The following KCNS3 variants were observed in gnomAD, a reference collection of about 807,000 sequenced individuals.
KCNS3 encodes potassium voltage-gated channel modifier subfamily S member 3, also known as delayed-rectifier potassium channel regulatory subunit KCNS3.
KCNS3 carries 13 observed loss-of-function variants against 31.0 expected under a neutral mutation model. That is an observed-to-expected ratio of 0.42 (90% CI 0.27 to 0.67). The LOEUF (loss-of-function observed/expected upper bound fraction) is 0.67. Ranked by LOEUF, KCNS3 falls within the 30% of genes least tolerant of loss-of-function variation. KCNS3 has a pLI of 0.25. For missense variants in KCNS3, 545 were observed against 622.4 expected, an observed-to-expected ratio of 0.88 and a Z score of 1.32; for synonymous variants, 238 against 241.5, an observed-to-expected ratio of 0.99 and a Z score of 0.13.
chr2:17,884,932 G>GT (rs55738585), intron 1 of KCNS3, among the ~76,000 whole-genome samples: 2,437 of 127,958 alleles, frequency 0.019, 86 homozygotes, highest in African/African-American at 0.063. Flanking sequence ...CTTCCCTGTT[G>GT]TTTTTTTTTT....
Position 17,885,246 on chromosome 2 carries a change from G to T in KCNS3, c.-252+6440G>T, listed in dbSNP as rs183042638. ...GGATAAGGACTGATGGAGAGTCCTG[G>T]GCATGGTTATGAGCCACTTTTTGTG... On this transcript the variant is annotated intron_variant, in intron 1 of 2. Transcript: ENST00000304101. Among the ~76,000 whole-genome samples, 25 of 152,186 alleles carry T rather than the reference G, an allele frequency of 1.6e-4. 1 individual carries two copies. The highest frequency in any genetic ancestry group is 6.0e-4 in the African/African-American group (25 of 41,518).
At chr2:17,918,658 A>C (rs1174457515) in intron 2 of KCNS3, among the ~76,000 whole-genome samples, 1 of 152,248 alleles carries the variant, frequency 6.6e-6, no homozygotes, top group African/African-American at 2.4e-5. Context: ...GATTGTGGGC[A>C]GCACTTAGCA....
rs1046561384 is a variant in KCNS3 at position 17,879,632 on chromosome 2, G to A, written c.-252+826G>A. 3.3e-5 allele frequency among the ~76,000 whole-genome samples: 5 copies of A among 152,270 alleles called. No homozygotes were observed. The East Asian group carries it at 9.7e-4, about 29-fold the overall frequency. ...CAGTCTTGCCGGCAGGGGCCGCGGCGAGCCTGGCTGGGCGCCTTTCGCATT... is the reference window on the plus strand; with the variant it reads ...CAGTCTTGCCGGCAGGGGCCGCGGCAAGCCTGGCTGGGCGCCTTTCGCATT... On this transcript the variant is annotated intron_variant, in intron 1 of 2. Transcript: ENST00000304101.
intron 1 of KCNS3, among the ~76,000 whole-genome samples, chr2:17,898,068 A>G (rs1156236693): frequency 3.3e-5 from 5 of 152,118 alleles, no homozygotes; most frequent in Non-Finnish European, 1.5e-5. Context: ...TCCTTTCCCT[A>G]TGGCTTATTT....
At chr2:17,899,282 A>G (rs1158408472) in intron 1 of KCNS3, among the ~76,000 whole-genome samples, 1 of 152,180 alleles carries the variant, frequency 6.6e-6, no homozygotes, top group African/African-American at 2.4e-5. Context: ...AAATATTGAT[A>G]TAGCACTTAC....
At chr2:17,912,814 T>G (rs1662500740) in intron 1 of KCNS3, among the ~76,000 whole-genome samples, 1 of 152,234 alleles carries the variant, frequency 6.6e-6, no homozygotes, top group Non-Finnish European at 1.5e-5. Flanking sequence ...ATTTAGAGAC[T>G]TTGCTTTAGA....
intron 2 of KCNS3, among the ~76,000 whole-genome samples, chr2:17,921,817 G>A (rs1662712123): frequency 6.6e-6 from 1 of 150,636 alleles, no homozygotes; most frequent in African/African-American, 2.4e-5. Flanking sequence ...CCTGACACTT[G>A]GGGATTACAA....
At chr2:17,905,401 T>A (rs1662290400) in intron 1 of KCNS3, among the ~76,000 whole-genome samples, 1 of 152,260 alleles carries the variant, frequency 6.6e-6, no homozygotes, top group Admixed American at 6.5e-5. Flanking sequence ...TCATGTCATC[T>A]GCAAACAGGG....
At chr2:17,927,059 T>C (rs1467311265) in intron 2 of KCNS3, among the ~76,000 whole-genome samples, 6 of 152,230 alleles carry the variant, frequency 3.9e-5, no homozygotes, top group East Asian at 3.8e-4. Context: ...TTGGACACTT[T>C]GTTGCTTAGA....
intron 1 of KCNS3, among the ~76,000 whole-genome samples, chr2:17,888,655 A>G (rs964177059): frequency 1.5e-5 from 2 of 135,062 alleles, no homozygotes; most frequent in African/African-American, 2.7e-5. Flanking sequence ...ATATATATAT[A>G]TATATATATA....
chr2:17,909,602 C>T (rs886714587), intron 1 of KCNS3, among the ~76,000 whole-genome samples: 2 of 152,104 alleles, frequency 1.3e-5, no homozygotes, highest in Non-Finnish European at 2.9e-5. Context: ...CTTGGAACTG[C>T]CCCACCTCGG....
intron 1 of KCNS3, among the ~76,000 whole-genome samples, chr2:17,907,013 T>A (rs1046485527): frequency 3.9e-5 from 6 of 152,220 alleles, no homozygotes; most frequent in African/African-American, 1.4e-4. Flanking sequence ...CTGGATATCC[T>A]TGTTAACTTT....
intron 2 of KCNS3, among the ~76,000 whole-genome samples, chr2:17,922,726 A>G (rs2125251648): frequency 6.6e-6 from 1 of 151,652 alleles, no homozygotes; most frequent in South Asian, 2.1e-4. Flanking sequence ...ACTATTATGG[A>G]TATTTCATAT....
At chr2:17,907,631 A>T (rs1004619384) in intron 1 of KCNS3, among the ~76,000 whole-genome samples, 38 of 152,124 alleles carry the variant, frequency 2.5e-4, no homozygotes, top group Non-Finnish European at 4.3e-4. Context: ...TGCTTCCTTC[A>T]GGAGCTCTTG....
At chr2:17,887,418 T>C (rs1661689858) in intron 1 of KCNS3, among the ~76,000 whole-genome samples, 1 of 152,160 alleles carries the variant, frequency 6.6e-6, no homozygotes, top group Non-Finnish European at 1.5e-5. Flanking sequence ...GTCTCCAATC[T>C]CATTCAGGTC....
rs555715868 is a variant in KCNS3, at chr2:17,886,590, A to G, written c.-252+7784A>G. Among the ~76,000 whole-genome samples the G allele has an allele frequency of 9.7e-4, 147 of 152,278 alleles. No homozygotes were observed. The Middle Eastern group carries it at 0.01, about 11-fold the overall frequency. On this transcript the variant is annotated intron_variant, in intron 1 of 2. Coordinates refer to ENST00000304101, the MANE Select transcript of KCNS3 (RefSeq NM_002252.5). Reference sequence around the variant, plus strand: ...TGAGGCTCAGGCTTGAGCTTCCATGACAGAGCTTGTCTCCTCTGGGATGAA... The same window carrying G: ...TGAGGCTCAGGCTTGAGCTTCCATGGCAGAGCTTGTCTCCTCTGGGATGAA...
chr2:17,904,813 G>A (rs7593607), intron 1 of KCNS3, among the ~76,000 whole-genome samples: 138,264 of 151,096 alleles, frequency 0.92, 63,441 homozygotes, highest in East Asian at 0.99. Context: ...TGTTCCATTG[G>A]TCTATATCTC....
chr2:17,907,641 G>T (rs1015034624), intron 1 of KCNS3, among the ~76,000 whole-genome samples: 1 of 152,236 alleles, frequency 6.6e-6, no homozygotes, highest in African/African-American at 2.4e-5. Context: ...AGGAGCTCTT[G>T]TAAGGCAGGC....
chr2:17,908,954 CTG>C (rs1434090616), intron 1 of KCNS3, among the ~76,000 whole-genome samples: 4 of 152,234 alleles, frequency 2.6e-5, no homozygotes, highest in Non-Finnish European at 5.9e-5. Flanking sequence ...ATCTCAAACT[CTG>C]TACTGGGAGA....
Sources: gnomAD v4.1 joint callset for allele counts (sites outside exome capture counted in the v4.1 genomes callset) on GRCh38, gnomAD v4.1.1 for gene constraint, MANE v1.5 for transcripts, NCBI Gene and HGNC (gene_info 2026-07-23, HGNC 2026-07-21) for gene names.